The following YY1 variants were observed in gnomAD, a reference collection of about 807,000 sequenced individuals.
The protein encoded by YY1 is YY1 transcription factor.
Under a neutral mutation model 35.6 loss-of-function variants are expected in YY1, and 2 were observed. The ratio of observed to expected loss-of-function variants is 0.06; its 90% CI spans 0.02 to 0.18. The LOEUF (loss-of-function observed/expected upper bound fraction) is 0.18. Ranked by LOEUF, YY1 falls within the 10% of genes least tolerant of loss-of-function variation. The pLI is 1.00. For synonymous variants in YY1, 268 were observed against 238.9 expected, an observed-to-expected ratio of 1.12 and a Z score of -1.12; for missense variants, 322 against 573.4, an observed-to-expected ratio of 0.56 and a Z score of 4.48.
rs76675246 is a variant in YY1 at position 100,239,450 on chromosome 14, GCCA to G, written c.222_224del (p.His80del). ...GGCGGGGGCGGCCACGGGCACGCCGGCCACCACCACCACCACCATCACCACCAC... is the reference window on the plus strand; with the variant it reads ...GGCGGGGGCGGCCACGGGCACGCCGGCCACCACCACCACCATCACCACCAC... On this transcript the variant is annotated inframe_deletion, in exon 1 of 5. Coordinates refer to ENST00000262238, the MANE Select transcript of YY1 (RefSeq NM_003403.5). The G allele has an allele frequency of 0.044, 70,403 of 1,594,346 alleles. 1,867 individuals are homozygous for G. The highest frequency in any genetic ancestry group is 0.053 in the Non-Finnish European group (61,916 of 1,172,714).
intron 1 of YY1, among the ~76,000 whole-genome samples, chr14:100,245,767 C>T (rs564738997): frequency 1.1e-4 from 16 of 152,014 alleles, no homozygotes; most frequent in African/African-American, 2.9e-4. Flanking sequence ...CCACCATGCC[C>T]GGCTAATTTT....
Position 100,259,292 on chromosome 14 carries a change from G to A in YY1, c.680-3012G>A, listed in dbSNP as rs570559233. Among the ~76,000 whole-genome samples the A allele has an allele frequency of 1.3e-4, 20 of 152,226 alleles. No individual in the cohort carries two copies. The South Asian group carries it at 3.3e-3, about 25-fold the overall frequency. On this transcript the variant is annotated intron_variant, in intron 1 of 4. Coordinates refer to ENST00000262238, the MANE Select transcript of YY1 (RefSeq NM_003403.5). ...TCCCAGCACTTTGGGAGGCCAAGGCGGGTGGATCACGAGGTCAAGAGATCG... is the reference window on the plus strand; with the variant it reads ...TCCCAGCACTTTGGGAGGCCAAGGCAGGTGGATCACGAGGTCAAGAGATCG...
At chr14:100,242,201 G>T (rs1429145227) in intron 1 of YY1, among the ~76,000 whole-genome samples, 3 of 152,070 alleles carry the variant, frequency 2.0e-5, no homozygotes, top group Non-Finnish European at 4.4e-5. Flanking sequence ...TTAACAAATT[G>T]CTGGTCCACT....
At chr14:100,245,112 A>G (rs1890812684) in intron 1 of YY1, among the ~76,000 whole-genome samples, 1 of 151,336 alleles carries the variant, frequency 6.6e-6, no homozygotes, top group African/African-American at 2.4e-5. Flanking sequence ...AATTTTTTGT[A>G]TTTTTAGTAG....
At chr14:100,260,616 G>T (rs1040683233) in intron 1 of YY1, among the ~76,000 whole-genome samples, 4 of 150,976 alleles carry the variant, frequency 2.6e-5, no homozygotes, top group African/African-American at 9.7e-5. Flanking sequence ...AGGACTACAG[G>T]TGCCCGCCAC....
Position 100,279,746 on chromosome 14 carries a change from G to A in YY1, c.*2146G>A, listed in dbSNP as rs958160973. ...GGTTGAGTAGCCCCAGCGTGGCTGTGTTAGGAGTCCTTTGCCCAACATTGT... is the reference window on the plus strand; with the variant it reads ...GGTTGAGTAGCCCCAGCGTGGCTGTATTAGGAGTCCTTTGCCCAACATTGT... On this transcript the variant is annotated 3_prime_UTR_variant, in exon 5 of 5. Transcript: ENST00000262238. 3.9e-5 allele frequency: 6 copies of A among 152,536 alleles called. No individual in the cohort carries two copies. The highest frequency in any genetic ancestry group is 1.2e-4 in the African/African-American group (5 of 41,480). 9.4% of individuals were successfully genotyped at this position (152,536 alleles called of 1,614,324 possible).
chr14:100,274,320 G>A (rs892109963), intron 2 of YY1, among the ~76,000 whole-genome samples: 2 of 152,044 alleles, frequency 1.3e-5, no homozygotes, highest in East Asian at 3.9e-4. Context: ...ATCTTCCCTT[G>A]CCTCTCACAA....
chr14:100,241,286 C>G (rs949282949), intron 1 of YY1, among the ~76,000 whole-genome samples: 7 of 152,142 alleles, frequency 4.6e-5, no homozygotes, highest in Non-Finnish European at 8.8e-5. Context: ...CATAAATTCT[C>G]AGAACTGAAT....
At position 100,239,932 on chromosome 14, in the gene YY1, C is replaced by T. The variant is rs1890701747; in HGVS notation, c.679+9C>T. On this transcript the variant is annotated intron_variant, in intron 1 of 4. Coordinates refer to ENST00000262238, the MANE Select transcript of YY1 (RefSeq NM_003403.5). ...CACCATGTGGTCCTCAGGTGAGCGCCGGCCGCGCGCCCCGGCCCCGGGATG... is the reference window on the plus strand; with the variant it reads ...CACCATGTGGTCCTCAGGTGAGCGCTGGCCGCGCGCCCCGGCCCCGGGATG... 6.6e-7 allele frequency: 1 copy of T among 1,516,626 alleles called. No homozygotes were observed. Among genetic ancestry groups the T allele is most frequent in the African/African-American group, 1.4e-5 (1 of 69,218 alleles). 93.9% of individuals were successfully genotyped at this position (1,516,626 alleles called of 1,614,324 possible).
chr14:100,239,862 G>A lies in YY1; in HGVS notation c.618G>A (p.Glu206=). 1 of 1,525,196 alleles carries A rather than the reference G, an allele frequency of 6.6e-7. No individual in the cohort carries two copies. The highest frequency in any genetic ancestry group is 8.8e-7 in the Non-Finnish European group (1 of 1,139,626). 94.5% of individuals were successfully genotyped at this position (1,525,196 alleles called of 1,614,324 possible). A position where few individuals can be genotyped will look rare whatever the true frequency, so the allele number is the denominator to read the frequency against. Residue 206 remains glutamate (E), a synonymous_variant, in exon 1 of 5, where the codon GAG becomes GAA. Coordinates refer to ENST00000262238, the MANE Select transcript of YY1 (RefSeq NM_003403.5). ...CCGACCCGGGCAACAAGAAGTGGGAGCAGAAGCAGGTGCAGATCAAGACCC... is the reference window on the plus strand; with the variant it reads ...CCGACCCGGGCAACAAGAAGTGGGAACAGAAGCAGGTGCAGATCAAGACCC... ...GGADPGNKKW[E]QKQVQIKTLE... is the part of the protein sequence containing the mutation.
intron 1 of YY1, among the ~76,000 whole-genome samples, chr14:100,248,757 G>A (rs1374087575): frequency 6.7e-6 from 1 of 148,426 alleles, no homozygotes; most frequent in African/African-American, 2.5e-5. Context: ...GCGCGATCTC[G>A]GCTCACTGCA....
At chr14:100,248,679 C>CTTTTTTTTTTTTTTTTT (rs11415073) in intron 1 of YY1, among the ~76,000 whole-genome samples, 2 of 105,014 alleles carry the variant, frequency 1.9e-5, no homozygotes, top group African/African-American at 3.7e-5. Context: ...GAGTAAAATT[C>CTTTTTTTTTTTTTTTTT]TTTTTTTTTT....
At chr14:100,266,596 C>T (rs1373579966) in intron 2 of YY1, among the ~76,000 whole-genome samples, 1 of 152,072 alleles carries the variant, frequency 6.6e-6, no homozygotes, top group Admixed American at 6.6e-5. Context: ...GACCATACTC[C>T]TTAAGAAAGG....
At chr14:100,261,181 T>C (rs1205802164) in intron 1 of YY1, among the ~76,000 whole-genome samples, 1 of 152,020 alleles carries the variant, frequency 6.6e-6, no homozygotes, top group African/African-American at 2.4e-5. Flanking sequence ...TATGCTTATT[T>C]ATTTTTATTT....
At chr14:100,252,156 T>G (rs957712336) in intron 1 of YY1, among the ~76,000 whole-genome samples, 1 of 152,220 alleles carries the variant, frequency 6.6e-6, no homozygotes, top group African/African-American at 2.4e-5. Context: ...AGACTCCATC[T>G]TTTTACTTCT....
chr14:100,265,877 A>G (rs1042535289), intron 2 of YY1, among the ~76,000 whole-genome samples: 15 of 151,880 alleles, frequency 9.9e-5, no homozygotes, highest in Admixed American at 9.9e-4. Flanking sequence ...TTGAACTCCT[A>G]ACCTCATGAT....
intron 1 of YY1, among the ~76,000 whole-genome samples, chr14:100,259,044 A>C (rs1363335002): frequency 6.6e-6 from 1 of 152,228 alleles, no homozygotes; most frequent in East Asian, 1.9e-4. Flanking sequence ...ACTGGTGGAA[A>C]GGTAATTCAA....
At chr14:100,241,468 A>T (rs1384340824) in intron 1 of YY1, among the ~76,000 whole-genome samples, 1 of 152,216 alleles carries the variant, frequency 6.6e-6, no homozygotes, top group South Asian at 2.1e-4. Flanking sequence ...GGCCTGAGCA[A>T]AGGGATCTAG....
At chr14:100,256,313 A>G (rs1244159752) in intron 1 of YY1, among the ~76,000 whole-genome samples, 3 of 152,180 alleles carry the variant, frequency 2.0e-5, no homozygotes. Flanking sequence ...TCTTCTGCAC[A>G]TCATCTCTTT....
Sources: gnomAD v4.1 joint callset for allele counts (sites outside exome capture counted in the v4.1 genomes callset) on GRCh38, gnomAD v4.1.1 for gene constraint, MANE v1.5 for transcripts, NCBI Gene and HGNC (gene_info 2026-07-23, HGNC 2026-07-21) for gene names.